ZNF141: variants seen among roughly 807,000 people sequenced by gnomAD.
ZNF141 encodes the protein zinc finger protein 141 (clone pHZ-44).
Under a neutral mutation model 11.3 loss-of-function variants are expected in ZNF141, and 7 were observed. The observed-to-expected ratio is 0.62, with a 90% CI of 0.35 to 1.16. ZNF141 has a LOEUF of 1.16. ZNF141 is among the 50% of genes most tolerant of loss of function. ZNF141 has a pLI of 0.02. For missense variants in ZNF141, 535 were observed against 554.0 expected, an observed-to-expected ratio of 0.97 and a Z score of 0.34; for synonymous variants, 183 against 190.7, an observed-to-expected ratio of 0.96 and a Z score of 0.33.
rs1216904056 is a variant in ZNF141, at chr4:377,141, GT to G, written c.*3281del. On this transcript the variant is annotated 3_prime_UTR_variant, in exon 4 of 4. Transcript: ENST00000240499. ...ATATAAGCTGTTTTCTTTAGTTATT[GT>G]TCCTTTCAGTTTTTGTAATTGACAT... Among the ~76,000 whole-genome samples the G allele has an allele frequency of 6.6e-6, 1 of 152,048 alleles. No homozygotes were observed. Among genetic ancestry groups the G allele is most frequent in the Non-Finnish European group, 1.5e-5 (1 of 67,992 alleles).
intron 3 of ZNF141, among the ~76,000 whole-genome samples, chr4:367,318 T>G (rs1553853029): frequency 6.6e-6 from 1 of 152,210 alleles, no homozygotes; most frequent in African/African-American, 2.4e-5. Flanking sequence ...TGTTTACTTG[T>G]TCTGTTTATG....
intron 3 of ZNF141, among the ~76,000 whole-genome samples, chr4:369,783 T>TTTTTTTTTTTTTTTTTTTTTTTTTTTG (rs1711966016): frequency 8.0e-6 from 1 of 124,248 alleles, no homozygotes; most frequent in Non-Finnish European, 1.7e-5. Context: ...TTTTTTTTTT[T>TTTTTTTTTTTTTTTTTTTTTTTTTTTG]TGAGAGGGAG....
intron 3 of ZNF141, among the ~76,000 whole-genome samples, chr4:346,083 T>A (rs1245917530): frequency 1.3e-5 from 2 of 152,218 alleles, no homozygotes; most frequent in Non-Finnish European, 2.9e-5. Context: ...TATAACTTAT[T>A]TAAGTGTGTA....
At chr4:346,058 TCACA>T (rs1164618598) in intron 3 of ZNF141, among the ~76,000 whole-genome samples, 23 of 152,316 alleles carry the variant, frequency 1.5e-4, no homozygotes, top group South Asian at 2.1e-4. Context: ...AATGTGTGTC[TCACA>T]CACACACCTA....
In ZNF141 at chr4:383,364, A is replaced by G. The variant is rs1712750673; in HGVS notation, c.*9502A>G. The G allele has an allele frequency of 8.1e-6, 4 of 493,206 alleles. No individual in the cohort carries two copies. The highest frequency in any genetic ancestry group is 3.7e-5 in the South Asian group (1 of 26,936). 30.6% of individuals were successfully genotyped at this position (493,206 alleles called of 1,614,324 possible). A position where few individuals can be genotyped will look rare whatever the true frequency, so the allele number is the denominator to read the frequency against. ...TTATAAGTTAGTAATATATACACCC[A>G]TTAAAGACAGGATCTCAGGACAGAT... On this transcript the variant is annotated 3_prime_UTR_variant, in exon 4 of 4. Coordinates refer to ENST00000240499, the MANE Select transcript of ZNF141 (RefSeq NM_003441.4).
At chr4:353,521 C>T (rs1309263659) in intron 3 of ZNF141, among the ~76,000 whole-genome samples, 3 of 147,454 alleles carry the variant, frequency 2.0e-5, no homozygotes, top group South Asian at 2.2e-4. Flanking sequence ...AGTGCAGTGG[C>T]GAGATCTCGG....
intron 3 of ZNF141, among the ~76,000 whole-genome samples, chr4:369,756 A>ATTTTTTTTTTTTTTTTTTT (rs1560196775): frequency 2.8e-5 from 1 of 35,360 alleles, no homozygotes; most frequent in African/African-American, 1.6e-4. Flanking sequence ...ATATATATAT[A>ATTTTTTTTTTTTTTTTTTT]TATATATATT....
At chr4:358,769 T>C (rs560320785) in intron 3 of ZNF141, among the ~76,000 whole-genome samples, 4 of 152,076 alleles carry the variant, frequency 2.6e-5, no homozygotes, top group African/African-American at 7.2e-5. Flanking sequence ...GTAGAGACGG[T>C]TTCACCATGT....
In ZNF141 at chr4:383,267, G is replaced by A. The variant is rs1339781141; in HGVS notation, c.*9405G>A. The A allele has an allele frequency of 1.6e-6, 1 of 633,604 alleles. No homozygotes were observed. Among genetic ancestry groups the A allele is most frequent in the Non-Finnish European group, 2.8e-6 (1 of 356,790 alleles). 39.2% of individuals were successfully genotyped at this position (633,604 alleles called of 1,614,324 possible). ...GAGCCAAACTGAGCCCAGAAGAATG[G>A]CCCGGCTGAGCCCAGCCTAAATTTC... On this transcript the variant is annotated 3_prime_UTR_variant, in exon 4 of 4. Coordinates refer to ENST00000240499, the MANE Select transcript of ZNF141 (RefSeq NM_003441.4).
intron 3 of ZNF141, among the ~76,000 whole-genome samples, chr4:366,327 G>T (rs1403923036): frequency 6.6e-6 from 1 of 151,952 alleles, no homozygotes; most frequent in African/African-American, 2.4e-5. Flanking sequence ...TTTGCTTTTT[G>T]AGACAAAGTC....
At chr4:342,759 T>C in intron 1 of ZNF141, 1 of 1,470,912 alleles carries the variant, frequency 6.8e-7, no homozygotes, top group Non-Finnish European at 9.5e-7. Flanking sequence ...ATTTATTTTA[T>C]TTTTGATTGT....
chr4:373,673 A>G lies in ZNF141; in HGVS notation c.1236A>G (p.Gln412=), dbSNP rs1553854092. The change falls in exon 4 of 4, where the codon CAA becomes CAG. Residue 412 remains glutamine, a synonymous_variant. Transcript: ENST00000240499. The stretch of plus-strand genomic sequence containing the variant: ...TTAGACGGTCCACAGATCGGAGTCA[A>G]CATAAGAAAATTCATAGTGCAGATA... The part of the protein sequence containing the change: ...KAFRRSTDRS[Q]HKKIHSADKP... 5.0e-6 allele frequency: 8 copies of G among 1,614,180 alleles called. No individual in the cohort carries two copies. Among genetic ancestry groups the G allele is most frequent in the Non-Finnish European group, 6.8e-6 (8 of 1,180,024 alleles).
rs11730146 is a variant in ZNF141, at chr4:379,653, G to A, written c.*5791G>A. 0.25 allele frequency among the ~76,000 whole-genome samples: 37,815 copies of A among 152,148 alleles called. 4,733 individuals carry two copies. The highest frequency in any genetic ancestry group is 0.29 in the Middle Eastern group (83 of 290). ...CTCCCAAAGTTCTGGAATTACAGGC[G>A]TGAGCCACTGCGCCCAGCCTCTATG... On this transcript the variant is annotated 3_prime_UTR_variant, in exon 4 of 4. Coordinates refer to ENST00000240499, the MANE Select transcript of ZNF141 (RefSeq NM_003441.4).
intron 3 of ZNF141, among the ~76,000 whole-genome samples, chr4:350,625 T>C (rs1553850296): frequency 6.6e-6 from 1 of 152,202 alleles, no homozygotes; most frequent in African/African-American, 2.4e-5. Context: ...TTGTTGGAGG[T>C]GGGGCCTTGA....
At chr4:364,711 A>G (rs1711653448) in intron 3 of ZNF141, among the ~76,000 whole-genome samples, 1 of 152,164 alleles carries the variant, frequency 6.6e-6, no homozygotes, top group Non-Finnish European at 1.5e-5. Flanking sequence ...GCTTTGTCCC[A>G]GAGGGTCACC....
Position 347,726 on chromosome 4 carries a change from G to A in ZNF141, c.226+3296G>A, listed in dbSNP as rs534245189. ...CCAGCATACAAGATTTCCCTTGTAT[G>A]TATTTCTTCTTTGGGAAAAAAAAAA... On this transcript the variant is annotated intron_variant, in intron 3 of 3. Coordinates refer to ENST00000240499, the MANE Select transcript of ZNF141 (RefSeq NM_003441.4). Among the ~76,000 whole-genome samples, 3 of 138,264 alleles carry A rather than the reference G, an allele frequency of 2.2e-5. No individual in the cohort carries two copies. The South Asian group carries it at 6.9e-4, about 32-fold the overall frequency. The allele number at this position is 138,264 out of a possible 152,430, so 90.7% of individuals were successfully genotyped here.
chr4:373,186 C>G lies in ZNF141; in HGVS notation c.749C>G (p.Thr250Ser), dbSNP rs1712166004. The G allele has an allele frequency of 8.1e-6, 13 of 1,613,872 alleles. No individual in the cohort carries two copies. Among genetic ancestry groups the G allele is most frequent in the Non-Finnish European group, 1.1e-5 (13 of 1,180,000 alleles). ...TTTGCTAAGCATAAAATAATTCATA[C>G]TGGAGAAAAACCCTATAAATGTGAA... is the stretch of plus-strand genomic sequence containing the variant. The part of the protein sequence containing the change: ...SHFAKHKIIH[T>S]GEKPYKCEEC... Residue 250 changes from threonine to serine, a missense_variant, in exon 4 of 4, where the codon ACT becomes AGT. Physicochemically the swap from Thr to Ser is moderately conservative, Grantham distance 58. Coordinates refer to ENST00000240499, the MANE Select transcript of ZNF141 (RefSeq NM_003441.4).
chr4:341,679 G>T (rs1257430034), intron 1 of ZNF141, among the ~76,000 whole-genome samples: 6 of 151,366 alleles, frequency 4.0e-5, no homozygotes, highest in African/African-American at 1.5e-4. Flanking sequence ...TCCCATCCCT[G>T]CCCAGATCTA....
chr4:361,010 A>G (rs1722081231), intron 3 of ZNF141, among the ~76,000 whole-genome samples: 1 of 152,310 alleles, frequency 6.6e-6, no homozygotes, highest in East Asian at 1.9e-4. Flanking sequence ...CTGTGAGAGA[A>G]GCACTTGTTA....
Sources: allele counts gnomAD v4.1 joint callset (sites outside exome capture counted in the v4.1 genomes callset), GRCh38; gene constraint gnomAD v4.1.1; transcripts MANE v1.5; gene names NCBI Gene and HGNC (gene_info 2026-07-23, HGNC 2026-07-21).